Variants in TANC2 observed in about 807,000 individuals in gnomAD.
The protein encoded by TANC2 is protein TANC2.
TANC2 carries 26 observed loss-of-function variants against 210.5 expected under a neutral mutation model. That is an observed-to-expected ratio of 0.12 (90% CI 0.09 to 0.17). The LOEUF is 0.17. Among genes scored for constraint, TANC2 ranks in the 10% least tolerant of loss-of-function variants. TANC2 has a pLI of 1.00. For synonymous variants in TANC2, 931 were observed against 967.1 expected (o/e 0.96, Z 0.69); for missense variants, 2,129 against 2,608.9 (o/e 0.82, Z 4.01).
intron 11 of TANC2, among the ~76,000 whole-genome samples, chr17:63,326,023 A>G (rs1026521668): frequency 4.6e-5 from 7 of 152,272 alleles, no homozygotes; most frequent in Non-Finnish European, 8.8e-5. Context: ...GTATAATTGA[A>G]TAGTAGCAAT....
intron 5 of TANC2, among the ~76,000 whole-genome samples, chr17:63,184,099 A>T (rs551427646): frequency 1.4e-4 from 21 of 152,108 alleles, no homozygotes; most frequent in Non-Finnish European, 2.8e-4. Context: ...TTAGTTGAAG[A>T]TCTATTTAAA....
chr17:63,161,293 C>T lies in TANC2; in HGVS notation c.433+9913C>T, dbSNP rs182000868. ...GGGAGGATCGCTTGAACCCAGGAGA[C>T]AGAAGTTGCAGTGAGCCGATATCAA... On this transcript the variant is annotated intron_variant, in intron 5 of 27. Coordinates refer to ENST00000689528, the Ensembl canonical transcript of TANC2. 1.2e-4 allele frequency among the ~76,000 whole-genome samples: 18 copies of T among 152,136 alleles called. 1 individual carries two copies. Among genetic ancestry groups the T allele is most frequent in the Admixed American group, 1.2e-3 (18 of 15,272 alleles).
intron 11 of TANC2, chr17:63,320,336 C>G (rs2045455258): frequency 6.6e-6 from 1 of 152,120 alleles, no homozygotes; most frequent in Non-Finnish European, 1.5e-5. Flanking sequence ...GTCCTAGAGC[C>G]CTCCATCGAG....
At chr17:63,364,135 T>C (rs554133843) in intron 14 of TANC2, among the ~76,000 whole-genome samples, 1 of 152,346 alleles carries the variant, frequency 6.6e-6, no homozygotes, top group African/African-American at 2.4e-5. Flanking sequence ...AATGACCCAA[T>C]GTCATGGTTT....
At chr17:63,229,203 T>C (rs1567834394) in intron 7 of TANC2, among the ~76,000 whole-genome samples, 1 of 152,230 alleles carries the variant, frequency 6.6e-6, no homozygotes, top group Non-Finnish European at 1.5e-5. Flanking sequence ...TTTTTGTCTT[T>C]CCTTCTCTTT....
chr17:63,224,500 A>G (rs569847741), intron 7 of TANC2, among the ~76,000 whole-genome samples: 1 of 152,110 alleles, frequency 6.6e-6, no homozygotes, highest in African/African-American at 2.4e-5. Flanking sequence ...GATCCACCCA[A>G]AGTGCTGGGA....
chr17:63,206,705 C>T (rs1165153795), intron 7 of TANC2, among the ~76,000 whole-genome samples: 2 of 151,838 alleles, frequency 1.3e-5, no homozygotes, highest in Non-Finnish European at 2.9e-5. Flanking sequence ...GCTGCAGCGG[C>T]GTGGGGAGTT....
intron 2 of TANC2, among the ~76,000 whole-genome samples, chr17:63,064,339 G>A (rs913342573): frequency 4.6e-5 from 7 of 152,056 alleles, no homozygotes; most frequent in African/African-American, 1.4e-4. Context: ...TGTGCCTGTG[G>A]TCCCAGCTAC....
In TANC2 at chr17:63,099,232, T is replaced by C. The variant is rs376757064; in HGVS notation, c.197T>C (p.Leu66Pro). Residue 66 changes from leucine to proline, a missense_variant, in exon 4 of 28, where the codon CTT becomes CCT. Leu to Pro is a moderately conservative substitution (Grantham distance 98, BLOSUM62 -3). Coordinates refer to ENST00000689528, the Ensembl canonical transcript of TANC2. ...GAGCCAGACTACGCTGTCCCGCCAC[T>C]TCCAGTGAGTGAAGGTATGCAGCAC... 210 of 1,610,702 alleles carry C rather than the reference T, an allele frequency of 1.3e-4. 1 individual carries two copies. In the East Asian group the frequency reaches 2.9e-3, roughly 22 times the overall value.
At chr17:63,187,608 T>C (rs191272562) in intron 5 of TANC2, among the ~76,000 whole-genome samples, 71 of 152,266 alleles carry the variant, frequency 4.7e-4, no homozygotes, top group Non-Finnish European at 4.0e-4. Context: ...CATACACATA[T>C]GTGTTTTTTG....
chr17:63,080,028 C>T (rs961952953), intron 3 of TANC2, among the ~76,000 whole-genome samples: 1 of 152,102 alleles, frequency 6.6e-6, no homozygotes, highest in Non-Finnish European at 1.5e-5. Flanking sequence ...TTTCCAATAG[C>T]GTATTATATA....
chr17:63,062,811 C>T (rs1472052300), intron 2 of TANC2, among the ~76,000 whole-genome samples: 2 of 152,184 alleles, frequency 1.3e-5, no homozygotes, highest in Non-Finnish European at 2.9e-5. Context: ...ACTCTTCATA[C>T]AGAGCACTTC....
intron 14 of TANC2, among the ~76,000 whole-genome samples, chr17:63,364,383 A>G (rs540653743): frequency 1.2e-4 from 19 of 152,274 alleles, no homozygotes; most frequent in African/African-American, 4.6e-4. Context: ...CCAAAATGAA[A>G]TTTGGAAAAA....
chr17:63,380,102 C>G (rs1167519076), intron 15 of TANC2, among the ~76,000 whole-genome samples: 1 of 152,182 alleles, frequency 6.6e-6, no homozygotes, highest in East Asian at 1.9e-4. Flanking sequence ...CATACATGAC[C>G]TATCATCTCC....
intron 12 of TANC2, among the ~76,000 whole-genome samples, chr17:63,343,967 G>A (rs573485907): frequency 6.6e-5 from 10 of 152,196 alleles, no homozygotes; most frequent in African/African-American, 1.7e-4. Flanking sequence ...CCACATAATC[G>A]TTTCAATAAA....
At chr17:63,176,105 G>A (rs1166668966) in intron 5 of TANC2, among the ~76,000 whole-genome samples, 5 of 152,220 alleles carry the variant, frequency 3.3e-5, no homozygotes, top group Non-Finnish European at 7.3e-5. Flanking sequence ...GCCTGGGAGA[G>A]TATAAAGTCA....
intron 7 of TANC2, among the ~76,000 whole-genome samples, chr17:63,211,168 A>G (rs2041873648): frequency 6.6e-6 from 1 of 152,220 alleles, no homozygotes; most frequent in Non-Finnish European, 1.5e-5. Flanking sequence ...ATTGAAAATC[A>G]ATTACTCATT....
rs1398980059 is a variant in TANC2, at chr17:63,346,052, A to T, written c.1808-5198A>T. On this transcript the variant is annotated intron_variant, in intron 12 of 27. Transcript: ENST00000689528. ...AATTCTTGTCATCAGATGGTACTGG[A>T]ACAACTAGATAAATGTTTGGGGAAG... 2.0e-5 allele frequency among the ~76,000 whole-genome samples: 3 copies of T among 152,204 alleles called. No homozygotes were observed. In the East Asian group the frequency reaches 5.8e-4, roughly 29 times the overall value.
chr17:63,362,364 C>A (rs1230662652), intron 14 of TANC2, among the ~76,000 whole-genome samples: 1 of 152,198 alleles, frequency 6.6e-6, no homozygotes, highest in Admixed American at 6.5e-5. Flanking sequence ...GCCATGGACT[C>A]CACCCAGAAC....
Sources: allele counts gnomAD v4.1 joint callset (sites outside exome capture counted in the v4.1 genomes callset), GRCh38; gene constraint gnomAD v4.1.1; transcripts MANE v1.5; gene names NCBI Gene and HGNC (gene_info 2026-07-23, HGNC 2026-07-21).